The following SFMBT1 variants were observed in gnomAD, a reference collection of about 807,000 sequenced individuals.
SFMBT1 encodes the protein Scm like with four mbt domains 1.
SFMBT1 carries 32 observed loss-of-function variants against 108.7 expected under a neutral mutation model. That is an observed-to-expected ratio of 0.29 (90% CI 0.22 to 0.40). The LOEUF is 0.40. Ranked by LOEUF, SFMBT1 falls within the 10% of genes least tolerant of loss-of-function variation. The probability of loss-of-function intolerance (pLI) is 1.00; values close to 1 mark genes in which losing one functional copy is unlikely to be tolerated. For synonymous variants in SFMBT1, 348 were observed against 369.5 expected, an observed-to-expected ratio of 0.94 and a Z score of 0.67; for missense variants, 816 against 1,059.6, an observed-to-expected ratio of 0.77 and a Z score of 3.19.
intron 1 of SFMBT1, among the ~76,000 whole-genome samples, chr3:53,036,617 G>A (rs1699878209): frequency 6.6e-6 from 1 of 152,260 alleles, no homozygotes; most frequent in South Asian, 2.1e-4. Flanking sequence ...CAACTTGGAA[G>A]CCCAACGGGC....
chr3:53,006,551 C>A (rs1698748507), intron 1 of SFMBT1, among the ~76,000 whole-genome samples: 1 of 150,818 alleles, frequency 6.6e-6, no homozygotes, highest in Non-Finnish European at 1.5e-5. Context: ...ATCACTTGAA[C>A]CCGGGAGACA....
At chr3:53,022,174 G>C (rs940007119) in intron 1 of SFMBT1, among the ~76,000 whole-genome samples, 4 of 152,206 alleles carry the variant, frequency 2.6e-5, no homozygotes, top group Admixed American at 1.3e-4. Flanking sequence ...GCTGGACTGG[G>C]TGCGGTGGTT....
chr3:52,966,373 C>A (rs565239525), intron 2 of SFMBT1, among the ~76,000 whole-genome samples: 44 of 139,756 alleles, frequency 3.1e-4, no homozygotes, highest in African/African-American at 1.1e-3. Context: ...CGCCTGTAAT[C>A]CCAGAACTTT....
chr3:52,998,421 G>A (rs978881806), intron 1 of SFMBT1, among the ~76,000 whole-genome samples: 2 of 150,182 alleles, frequency 1.3e-5, no homozygotes, highest in South Asian at 4.2e-4. Flanking sequence ...AAAAAATGTA[G>A]ATCAATAATA....
chr3:52,911,228 C>A, intron 16 of SFMBT1, 50 bp from the exon 17 acceptor site: 1 of 1,522,324 alleles, frequency 6.6e-7, no homozygotes, highest in South Asian at 1.3e-5. Context: ...AATGATTACC[C>A]AGAGAAAAAT....
At chr3:53,009,952 T>G (rs1278970453) in intron 1 of SFMBT1, among the ~76,000 whole-genome samples, 1 of 152,200 alleles carries the variant, frequency 6.6e-6, no homozygotes, top group Non-Finnish European at 1.5e-5. Context: ...TTGGTCTTGC[T>G]GTCTCAGGGG....
intron 3 of SFMBT1, among the ~76,000 whole-genome samples, chr3:52,948,513 T>C (rs1437415569): frequency 1.3e-5 from 2 of 152,058 alleles, no homozygotes; most frequent in East Asian, 3.8e-4. Flanking sequence ...ACAGACCTAG[T>C]TAGGGAAAAC....
chr3:52,952,376 G>A (rs1255694641), intron 3 of SFMBT1, among the ~76,000 whole-genome samples: 2 of 152,140 alleles, frequency 1.3e-5, no homozygotes, highest in African/African-American at 4.8e-5. Context: ...TAGAACAAAA[G>A]AAGTATGCCC....
chr3:53,041,348 C>T (rs1700045875), intron 1 of SFMBT1, among the ~76,000 whole-genome samples: 1 of 152,036 alleles, frequency 6.6e-6, no homozygotes, highest in South Asian at 2.1e-4. Context: ...CCTTCCTCCC[C>T]CTTTTGAAAA....
intron 1 of SFMBT1, among the ~76,000 whole-genome samples, chr3:53,012,232 G>A (rs943542883): frequency 6.6e-6 from 1 of 152,222 alleles, no homozygotes; most frequent in Non-Finnish European, 1.5e-5. Context: ...CTCTGGGAGA[G>A]ATTTCCAGTT....
rs774974364 is a variant in SFMBT1, at chr3:52,911,005, T to C, written c.1904A>G (p.Tyr635Cys). 2 of 1,614,060 alleles carry C rather than the reference T, an allele frequency of 1.2e-6. No homozygotes were observed. The highest frequency in any genetic ancestry group is 2.2e-5 in the East Asian group (1 of 44,880). The change falls in exon 17 of 21, where the codon TAC (tyrosine) becomes TGC (cysteine). Residue 635 changes from tyrosine to cysteine, a missense_variant and splice_region_variant. Around this residue, in one of 5 missense-constraint regions of SFMBT1, gnomAD observed 79 missense variants for 120.8 expected, o/e 0.65. Coordinates refer to ENST00000394752, the MANE Select transcript of SFMBT1 (RefSeq NM_016329.4). ...CACATTGGAAAAACATGACTCACTG[T>C]ATTTGGTCTTTGTAAGTACAGAACA... Reference protein sequence around the residue: ...ENCSVLTKTKYTHYYGKKKNK... With the variant: ...ENCSVLTKTKCTHYYGKKKNK...
chr3:53,014,357 C>A (rs1393840066), intron 1 of SFMBT1, among the ~76,000 whole-genome samples: 4 of 152,128 alleles, frequency 2.6e-5, no homozygotes, highest in Non-Finnish European at 4.4e-5. Context: ...GTAATGCCAG[C>A]ACTTTGGGAG....
intron 2 of SFMBT1, among the ~76,000 whole-genome samples, chr3:52,964,688 G>GT (rs1704073923): frequency 6.6e-6 from 1 of 152,122 alleles, no homozygotes. Context: ...CGGATTGCAA[G>GT]TTTGGGGGGC....
chr3:52,970,627 T>G (rs866851979), intron 1 of SFMBT1, among the ~76,000 whole-genome samples: 2 of 152,114 alleles, frequency 1.3e-5, no homozygotes, highest in South Asian at 4.1e-4. Flanking sequence ...AACTATAGCA[T>G]TGGGATGGGT....
At chr3:53,038,840 C>G (rs1699946428) in intron 1 of SFMBT1, among the ~76,000 whole-genome samples, 1 of 152,188 alleles carries the variant, frequency 6.6e-6, no homozygotes, top group Non-Finnish European at 1.5e-5. Context: ...CTAACCAGAA[C>G]AGCTGGGGAT....
intron 1 of SFMBT1, among the ~76,000 whole-genome samples, chr3:52,999,151 C>T (rs935228595): frequency 3.3e-5 from 5 of 150,956 alleles, no homozygotes; most frequent in African/African-American, 9.7e-5. Context: ...TCCAGGCCTT[C>T]GCCAACAGCG....
At chr3:52,947,867 T>C (rs1703426100) in intron 3 of SFMBT1, among the ~76,000 whole-genome samples, 3 of 152,096 alleles carry the variant, frequency 2.0e-5, no homozygotes, top group South Asian at 4.1e-4. Flanking sequence ...CCCAAGCAGC[T>C]GGGACTACAG....
In SFMBT1 at chr3:52,969,056, T is replaced by C. The variant is rs116441343; in HGVS notation, c.28+45A>G. ...GACAATATAACACAGGCAAGTAATA[T>C]AATTGTGCATCCTAGAGAATAAATT... On this transcript the variant is annotated intron_variant, in intron 2 of 20. Coordinates refer to ENST00000394752, the MANE Select transcript of SFMBT1 (RefSeq NM_016329.4). The C allele has an allele frequency of 7.1e-3, 11,467 of 1,605,460 alleles. 75 individuals carry two copies. The highest frequency in any genetic ancestry group is 8.0e-3 in the Non-Finnish European group (9,349 of 1,172,900).
Position 53,031,404 on chromosome 3 carries a change from C to T in SFMBT1, c.-131+14412G>A, listed in dbSNP as rs140799186. 0.012 allele frequency among the ~76,000 whole-genome samples: 1,891 copies of T among 152,000 alleles called. 129 individuals carry two copies. The South Asian group carries it at 0.18, about 15-fold the overall frequency. ...TTTTTACTAATGGAAATGCATTTGTCGAGAATCCAAAGATGCTCAGTTATC... is the reference window on the plus strand; with the variant it reads ...TTTTTACTAATGGAAATGCATTTGTTGAGAATCCAAAGATGCTCAGTTATC... On this transcript the variant is annotated intron_variant, in intron 1 of 20. Coordinates refer to ENST00000394752, the MANE Select transcript of SFMBT1 (RefSeq NM_016329.4).
Sources: gnomAD v4.1 joint callset for allele counts (sites outside exome capture counted in the v4.1 genomes callset) on GRCh38, gnomAD v4.1.1 for gene constraint, gnomAD v4.1.1 regional missense constraint, MANE v1.5 for transcripts, NCBI Gene and HGNC (gene_info 2026-07-23, HGNC 2026-07-21) for gene names.